KYAT1: variants seen among roughly 807,000 people sequenced by gnomAD.
The protein encoded by KYAT1 is kynurenine--oxoglutarate transaminase 1.
A neutral mutation model predicts 52.4 loss-of-function variants in KYAT1; 47 were observed. That is an observed-to-expected ratio of 0.90 (90% CI 0.71 to 1.14). The LOEUF (loss-of-function observed/expected upper bound fraction) is 1.14. Among genes scored for constraint, KYAT1 ranks in the 50% most tolerant of loss-of-function variants. The probability of loss-of-function intolerance (pLI) is 0.00; values close to 1 mark genes in which losing one functional copy is unlikely to be tolerated. For missense variants in KYAT1, 480 were observed against 557.9 expected (o/e 0.86, Z 1.41); for synonymous variants, 212 against 209.6 (o/e 1.01, Z -0.10).
rs373732706 is a variant in KYAT1 at position 128,838,126 on chromosome 9, G to T, written c.363C>A (p.Ile121=). The T allele has an allele frequency of 3.1e-5, 50 of 1,613,964 alleles. No homozygotes were observed. Among genetic ancestry groups the T allele is most frequent in the Non-Finnish European group, 4.2e-6 (5 of 1,180,018 alleles). The change falls in exon 5 of 13, where the codon ATC becomes ATA. Residue 121 remains isoleucine, a synonymous_variant. Transcript: ENST00000302586. ...LVDEGDEVII[I]EPFFDCYEPM... ...GCTCGTAGCAGTCAAAAAAGGGTTC[G>T]ATGATGATGACCTGATATAAGGGTC...
chr9:128,864,472 T>C (rs1835910468), intron 1 of KYAT1, among the ~76,000 whole-genome samples: 1 of 152,020 alleles, frequency 6.6e-6, no homozygotes, highest in South Asian at 2.1e-4. Flanking sequence ...TTTTGGGAAC[T>C]GTTTTCATCT....
Position 128,835,885 on chromosome 9 carries a change from G to C in KYAT1, c.766-17C>G, listed in dbSNP as rs761873399. 8.1e-6 allele frequency: 13 copies of C among 1,613,466 alleles called. No homozygotes were observed. In the South Asian group the frequency reaches 1.4e-4, roughly 18 times the overall value. ...CCAGCCCACCTGCAGCAGGGGCGCA[G>C]GTAGGGGGAGAGGTCCTTCCAGACC... On this transcript the variant is annotated splice_polypyrimidine_tract_variant and intron_variant, in intron 8 of 12. Transcript: ENST00000302586.
chr9:128,875,500 C>A (rs1837884592), intron 1 of KYAT1, among the ~76,000 whole-genome samples: 1 of 151,860 alleles, frequency 6.6e-6, no homozygotes, highest in Non-Finnish European at 1.5e-5. Context: ...GTAGTCCCAG[C>A]TACTCGGGAG....
chr9:128,857,944 A>T (rs1834893794), intron 1 of KYAT1, among the ~76,000 whole-genome samples: 1 of 152,234 alleles, frequency 6.6e-6, no homozygotes, highest in African/African-American at 2.4e-5. Flanking sequence ...TAGACATAAC[A>T]TCCAAAGCAT....
In KYAT1 at chr9:128,833,565, C is replaced by A. The variant is rs1175819364; in HGVS notation, c.*19G>T. The A allele has an allele frequency of 6.8e-6, 11 of 1,613,344 alleles. No homozygotes were observed. The highest frequency in any genetic ancestry group is 9.3e-6 in the Non-Finnish European group (11 of 1,179,286). The stretch of plus-strand genomic sequence containing the variant: ...CTGCGGGCATGTGGGGATGTCAGGG[C>A]CAAGGCGTGACTTCAGGGCTAGAGT... On this transcript the variant is annotated 3_prime_UTR_variant, in exon 13 of 13. Coordinates refer to ENST00000302586, the MANE Select transcript of KYAT1 (RefSeq NM_004059.5).
At chr9:128,854,947 G>A (rs1834417484) in intron 1 of KYAT1, among the ~76,000 whole-genome samples, 1 of 152,162 alleles carries the variant, frequency 6.6e-6, no homozygotes, top group Admixed American at 6.5e-5. Flanking sequence ...AGTATCTACT[G>A]TCAGTGCCAC....
At chr9:128,840,693 G>A (rs1832000861) in intron 3 of KYAT1, 1 of 433,432 alleles carries the variant, frequency 2.3e-6, no homozygotes, top group Non-Finnish European at 4.6e-6. Context: ...GGATGTAAAT[G>A]AGTAAACCTT....
intron 1 of KYAT1, among the ~76,000 whole-genome samples, chr9:128,861,965 A>G (rs1835517286): frequency 1.3e-5 from 2 of 152,194 alleles, no homozygotes; most frequent in South Asian, 4.1e-4. Context: ...TTCTAGGACT[A>G]CAGGAGGAGC....
At chr9:128,855,541 T>C (rs1454996508) in intron 1 of KYAT1, among the ~76,000 whole-genome samples, 1 of 152,346 alleles carries the variant, frequency 6.6e-6, no homozygotes, top group East Asian at 1.9e-4. Context: ...CTTTGCAAAG[T>C]TGTGTAAAAC....
intron 3 of KYAT1, among the ~76,000 whole-genome samples, chr9:128,839,888 C>T (rs1831837335): frequency 6.6e-6 from 1 of 151,004 alleles, no homozygotes; most frequent in African/African-American, 2.4e-5. Flanking sequence ...TCTGTCTCTA[C>T]TGATGGAAAA....
At chr9:128,833,850 T>A (rs1229116541) in intron 11 of KYAT1, 24 bp from the exon 12 acceptor site, 1 of 1,600,776 alleles carries the variant, frequency 6.2e-7, no homozygotes. Context: ...AGGACATGTC[T>A]CAACACGGCC....
At chr9:128,852,022 GA>G (rs1229705930) in intron 1 of KYAT1, among the ~76,000 whole-genome samples, 2 of 152,128 alleles carry the variant, frequency 1.3e-5, no homozygotes, top group African/African-American at 4.8e-5. Context: ...TACAGTGAAG[GA>G]GCAATTCAGA....
chr9:128,835,079 G>A (rs911700582), intron 11 of KYAT1: 1 of 499,576 alleles, frequency 2.0e-6, no homozygotes, highest in African/African-American at 2.0e-5. Context: ...AGAGCTTGCA[G>A]TGAGCCAAGA....
At chr9:128,846,622 AAAAG>A (rs1255988879) in intron 1 of KYAT1, 46 of 1,026,626 alleles carry the variant, frequency 4.5e-5, no homozygotes, top group South Asian at 1.2e-4. Context: ...AAAAAAAAAA[AAAAG>A]AAAGAAAGAA....
chr9:128,876,634 T>A (rs1838080911), intron 1 of KYAT1, among the ~76,000 whole-genome samples: 1 of 149,942 alleles, frequency 6.7e-6, no homozygotes, highest in Admixed American at 6.7e-5. Context: ...TTAGCCAGGA[T>A]GGTCTCAATC....
chr9:128,856,883 A>T (rs4837326), intron 1 of KYAT1, among the ~76,000 whole-genome samples: 16,895 of 152,254 alleles, frequency 0.11, 1,429 homozygotes, highest in East Asian at 0.36. Context: ...AACACCCGTA[A>T]AGGGTCTGTG....
At chr9:128,856,665 A>G (rs976358548) in intron 1 of KYAT1, among the ~76,000 whole-genome samples, 1 of 152,356 alleles carries the variant, frequency 6.6e-6, no homozygotes, top group African/African-American at 2.4e-5. Flanking sequence ...TGTGCAGGAT[A>G]TGCCTTGTTA....
At chr9:128,857,486 T>C (rs1354239306) in intron 1 of KYAT1, among the ~76,000 whole-genome samples, 1 of 152,152 alleles carries the variant, frequency 6.6e-6, no homozygotes, top group South Asian at 2.1e-4. Context: ...TGAAATTACA[T>C]GCGTGAGCCA....
chr9:128,860,228 T>C (rs1049131315), intron 1 of KYAT1: 1 of 152,106 alleles, frequency 6.6e-6, no homozygotes, highest in Non-Finnish European at 1.5e-5. Context: ...GAGCGGATCT[T>C]CCCCACTCAG....
Sources: allele counts gnomAD v4.1 joint callset (sites outside exome capture counted in the v4.1 genomes callset), GRCh38; gene constraint gnomAD v4.1.1; transcripts MANE v1.5; gene names NCBI Gene and HGNC (gene_info 2026-07-23, HGNC 2026-07-21).